OSBP2: variants seen among roughly 807,000 people sequenced by gnomAD.
The protein encoded by OSBP2 is oxysterol binding protein 2.
Under a neutral mutation model 96.0 loss-of-function variants are expected in OSBP2, and 66 were observed. That is an observed-to-expected ratio of 0.69 (90% CI 0.56 to 0.84). The LOEUF (loss-of-function observed/expected upper bound fraction) is 0.84. OSBP2 is among the 40% of genes least tolerant of loss of function. The probability of loss-of-function intolerance (pLI) is 0.00; values close to 1 mark genes in which losing one functional copy is unlikely to be tolerated. For synonymous variants in OSBP2, 525 were observed against 520.9 expected (o/e 1.01, Z -0.11); for missense variants, 1,038 against 1,222.7 (o/e 0.85, Z 2.25).
chr22:30,898,887 T>A (rs1039206924), intron 12 of OSBP2, among the ~76,000 whole-genome samples: 5 of 141,152 alleles, frequency 3.5e-5, no homozygotes, highest in Admixed American at 1.4e-4. Context: ...ATAATAATAA[T>A]AAAAGCAGAA....
At chr22:30,742,260 G>A in intron 2 of OSBP2, among the ~76,000 whole-genome samples, 1 of 151,886 alleles carries the variant, frequency 6.6e-6, no homozygotes, top group Non-Finnish European at 1.5e-5. Context: ...GTGAAAACCT[G>A]TCTGTACTAA....
chr22:30,750,516 A>ACC (rs2090062330), intron 2 of OSBP2, among the ~76,000 whole-genome samples: 1 of 152,152 alleles, frequency 6.6e-6, no homozygotes, highest in Non-Finnish European at 1.5e-5. Flanking sequence ...CTAAAATTTA[A>ACC]CCTGAAAGAC....
At chr22:30,840,149 T>C (rs990353559) in intron 2 of OSBP2, among the ~76,000 whole-genome samples, 4 of 150,084 alleles carry the variant, frequency 2.7e-5, no homozygotes, top group African/African-American at 9.8e-5. Flanking sequence ...ACATGGCACA[T>C]GTATACATAT....
intron 1 of OSBP2, among the ~76,000 whole-genome samples, chr22:30,730,018 G>T (rs1356708354): frequency 6.6e-6 from 1 of 151,812 alleles, no homozygotes; most frequent in East Asian, 1.9e-4. Context: ...GAGTGCAGTG[G>T]CACAATCTCG....
At chr22:30,730,760 CTCTCTCTCTCTCTCTATATA>C (rs2089747753) in intron 1 of OSBP2, among the ~76,000 whole-genome samples, 3 of 41,976 alleles carry the variant, frequency 7.1e-5, no homozygotes, top group African/African-American at 9.2e-5. Flanking sequence ...CTCTCTCTCT[CTCTCTCTCTCTCTCTATATA>C]TATATATATA....
intron 2 of OSBP2, among the ~76,000 whole-genome samples, chr22:30,786,981 G>T (rs1052486018): frequency 2.0e-5 from 3 of 151,978 alleles, no homozygotes; most frequent in African/African-American, 7.3e-5. Context: ...TGTATTTTTA[G>T]TAGAGACACG....
At chr22:30,887,143 G>A (rs1300599261) in intron 3 of OSBP2, among the ~76,000 whole-genome samples, 1 of 152,208 alleles carries the variant, frequency 6.6e-6, no homozygotes, top group African/African-American at 2.4e-5. Context: ...GAGTGTAGCA[G>A]TGAGGACGAC....
intron 2 of OSBP2, among the ~76,000 whole-genome samples, chr22:30,814,199 C>T (rs997768674): frequency 1.8e-4 from 27 of 152,036 alleles, no homozygotes; most frequent in Admixed American, 4.6e-4. Context: ...GCCACAGCCT[C>T]GGTGGCTTAA....
chr22:30,897,419 C>T (rs1358000266), intron 12 of OSBP2, among the ~76,000 whole-genome samples: 1 of 152,168 alleles, frequency 6.6e-6, no homozygotes, highest in Admixed American at 6.5e-5. Context: ...CTCAAGTATA[C>T]ATGGAATGTA....
intron 2 of OSBP2, among the ~76,000 whole-genome samples, chr22:30,862,616 G>A (rs1338342125): frequency 6.6e-6 from 1 of 152,116 alleles, no homozygotes; most frequent in Non-Finnish European, 1.5e-5. Flanking sequence ...GGAGGTGGAG[G>A]TTGCAGTGAG....
At chr22:30,792,663 G>T (rs2090693026) in intron 2 of OSBP2, among the ~76,000 whole-genome samples, 4 of 152,136 alleles carry the variant, frequency 2.6e-5, no homozygotes, top group Admixed American at 2.6e-4. Context: ...AATTATCATT[G>T]GTTGGCAACA....
intron 2 of OSBP2, among the ~76,000 whole-genome samples, chr22:30,771,063 G>A (rs116539109): frequency 0.016 from 2,376 of 152,292 alleles, 54 homozygotes; most frequent in African/African-American, 0.053. Flanking sequence ...TATATATAGC[G>A]AGGAAGCCTT....
At chr22:30,852,335 G>A (rs1307411960) in intron 2 of OSBP2, among the ~76,000 whole-genome samples, 1 of 152,076 alleles carries the variant, frequency 6.6e-6, no homozygotes. Context: ...TCTTTATAAA[G>A]GGCTTATCTG....
chr22:30,874,576 A>G (rs2039536527), intron 3 of OSBP2, among the ~76,000 whole-genome samples: 1 of 152,152 alleles, frequency 6.6e-6, no homozygotes, highest in Non-Finnish European at 1.5e-5. Flanking sequence ...ACCCACAGCT[A>G]GTGGTGCAGG....
At chr22:30,757,289 G>GT in intron 2 of OSBP2, among the ~76,000 whole-genome samples, 1 of 151,996 alleles carries the variant, frequency 6.6e-6, no homozygotes, top group Middle Eastern at 3.4e-3. Flanking sequence ...CGCTCCCTGC[G>GT]TCCCCCCTGC....
chr22:30,807,595 A>G (rs939196779), intron 2 of OSBP2, among the ~76,000 whole-genome samples: 10 of 152,098 alleles, frequency 6.6e-5, no homozygotes, highest in Non-Finnish European at 1.5e-4. Flanking sequence ...CCTCTCACAC[A>G]GCAGCTGGGC....
At position 30,749,111 on chromosome 22, in the gene OSBP2, C is replaced by T. The variant is rs538173193; in HGVS notation, c.853+7742C>T. Among the ~76,000 whole-genome samples the T allele has an allele frequency of 5.3e-5, 8 of 152,266 alleles. No individual in the cohort carries two copies. In the East Asian group the frequency reaches 5.8e-4, roughly 11 times the overall value. ...AGCCTGGGTGAGACAGAGCGAGACT[C>T]TGTCTACAAACAAACAAACAAAAAA... On this transcript the variant is annotated intron_variant, in intron 2 of 13. Transcript: ENST00000332585.
chr22:30,899,396 C>T (rs2040143963), intron 12 of OSBP2, among the ~76,000 whole-genome samples: 1 of 137,180 alleles, frequency 7.3e-6, no homozygotes, highest in Admixed American at 7.4e-5. Context: ...AAAGCAGACC[C>T]TATCTCAAAA....
intron 2 of OSBP2, among the ~76,000 whole-genome samples, chr22:30,841,935 G>A (rs1176438407): frequency 6.6e-6 from 1 of 152,052 alleles, no homozygotes; most frequent in Admixed American, 6.6e-5. Context: ...AATAGGGTGA[G>A]ACTCTGTCTC....
Sources: allele counts gnomAD v4.1 joint callset (sites outside exome capture counted in the v4.1 genomes callset), GRCh38; gene constraint gnomAD v4.1.1; transcripts MANE v1.5; gene names NCBI Gene and HGNC (gene_info 2026-07-23, HGNC 2026-07-21).